The following CRYGN variants were observed in gnomAD, a reference collection of about 807,000 sequenced individuals.
The protein encoded by CRYGN is crystallin gamma N.
Under a neutral mutation model 19.2 loss-of-function variants are expected in CRYGN, and 17 were observed. The ratio of observed to expected loss-of-function variants is 0.89; its 90% CI spans 0.61 to 1.33. The LOEUF is 1.33. CRYGN is among the 40% of genes most tolerant of loss of function. The pLI is 0.00. For synonymous variants in CRYGN, 84 were observed against 85.8 expected (o/e 0.98, Z 0.12); for missense variants, 239 against 239.6 (o/e 1.00, Z 0.02).
intron 3 of CRYGN, chr7:151,432,419 G>T: frequency 2.3e-6 from 1 of 439,330 alleles, no homozygotes; most frequent in Non-Finnish European, 3.8e-6. Context: ...CTACACGAAG[G>T]CACCCACGGT....
intron 2 of CRYGN, 188 bp downstream of exon 2, chr7:151,437,808 T>C (rs1397113303): frequency 6.8e-7 from 1 of 1,470,352 alleles, no homozygotes; most frequent in East Asian, 2.5e-5. Context: ...TCCCACTCAG[T>C]TCATAGCAAC....
chr7:151,429,784 A>G lies in CRYGN; in HGVS notation c.*264T>C. Reference sequence around the variant, plus strand: ...CATCACCATCATCAGCTGTGGGCTGAGGTGCGAGATTGTGGAGGCCTGAGG... The same window carrying G: ...CATCACCATCATCAGCTGTGGGCTGGGGTGCGAGATTGTGGAGGCCTGAGG... On this transcript the variant is annotated 3_prime_UTR_variant, in exon 4 of 4. Coordinates refer to ENST00000337323, the MANE Select transcript of CRYGN (RefSeq NM_144727.3). The G allele has an allele frequency of 1.9e-6, 1 of 533,980 alleles. No homozygotes were observed. The highest frequency in any genetic ancestry group is 3.4e-6 in the Non-Finnish European group (1 of 296,690). 33.1% of individuals were successfully genotyped at this position (533,980 alleles called of 1,614,324 possible). A position where few individuals can be genotyped will look rare whatever the true frequency, so the allele number is the denominator to read the frequency against.
At chr7:151,432,593 C>T (rs1801497941) in intron 3 of CRYGN, among the ~76,000 whole-genome samples, 1 of 152,210 alleles carries the variant, frequency 6.6e-6, no homozygotes, top group Non-Finnish European at 1.5e-5. Context: ...CTCTTGTAGT[C>T]AGGAGTTTGA....
rs1232082705 is a variant in CRYGN, at chr7:151,433,357, G to C, written c.416+2823C>G. The C allele has an allele frequency of 6.5e-6, 1 of 153,132 alleles. No homozygotes were observed. The highest frequency in any genetic ancestry group is 6.5e-5 in the Admixed American group (1 of 15,294). 9.5% of individuals were successfully genotyped at this position (153,132 alleles called of 1,614,324 possible). A position where few individuals can be genotyped will look rare whatever the true frequency, so the allele number is the denominator to read the frequency against. ...AGGATAGTGGCCTTTGCCTGGAAAG[G>C]GGCATGTGGTCCAAGGAAGACACCT... On this transcript the variant is annotated intron_variant, in intron 3 of 3. Transcript: ENST00000337323. The surrounding 1 kb of genome is among the most constrained non-coding windows in gnomAD (Gnocchi z 5.1).
At position 151,430,012 on chromosome 7, in the gene CRYGN, G is replaced by C. The variant is rs375723445; in HGVS notation, c.*36C>G. 3.7e-6 allele frequency: 3 copies of C among 818,198 alleles called. No homozygotes were observed. The highest frequency in any genetic ancestry group is 6.6e-6 in the Non-Finnish European group (3 of 452,698). 50.7% of individuals were successfully genotyped at this position (818,198 alleles called of 1,614,324 possible). A position where few individuals can be genotyped will look rare whatever the true frequency, so the allele number is the denominator to read the frequency against. ...GTAAACACTCTCCCGGCTCAGAAAC[G>C]GTGCAGGTGCATTTACATGTCAATC... On this transcript the variant is annotated 3_prime_UTR_variant, in exon 4 of 4. Coordinates refer to ENST00000337323, the MANE Select transcript of CRYGN (RefSeq NM_144727.3). The surrounding 1 kb of genome is among the most constrained non-coding windows in gnomAD (Gnocchi z 5.2).
At chr7:151,432,313 G>A (rs2150905949) in intron 3 of CRYGN, 2 of 1,195,924 alleles carry the variant, frequency 1.7e-6, no homozygotes, top group East Asian at 6.3e-5. Flanking sequence ...GGGGATCAGG[G>A]GCTGCCAGGA....
rs184114935 is a variant in CRYGN, at chr7:151,437,896, G to A, written c.270+100C>T. On this transcript the variant is annotated intron_variant, in intron 2 of 3. Coordinates refer to ENST00000337323, the MANE Select transcript of CRYGN (RefSeq NM_144727.3). ...CTTCAGTCTTACAGACTTTAAAGCC[G>A]GGAGGACCACGCTCCCCGATTCCTT... 8 of 1,587,640 alleles carry A rather than the reference G, an allele frequency of 5.0e-6. No homozygotes were observed. The Admixed American group carries it at 5.2e-5, about 10-fold the overall frequency.
rs1045619737 is a variant in CRYGN at position 151,433,549 on chromosome 7, C to T, written c.416+2631G>A. On this transcript the variant is annotated intron_variant, in intron 3 of 3. Transcript: ENST00000337323. The surrounding 1 kb of genome is among the most constrained non-coding windows in gnomAD (Gnocchi z 5.1). ...GGTGTGAGCCAGCCTGGAGCACCTG[C>T]TGGGGGACTCAGGGCAGGCCTGGTC... is the stretch of plus-strand genomic sequence containing the variant. The T allele has an allele frequency of 1.5e-4, 24 of 155,120 alleles. No individual in the cohort carries two copies. The highest frequency in any genetic ancestry group is 1.0e-3 in the Middle Eastern group (2 of 1,956). The allele number at this position is 155,120 out of a possible 1,614,324, so 9.6% of individuals were successfully genotyped here.
chr7:151,432,801 G>A (rs1395735725), intron 3 of CRYGN, among the ~76,000 whole-genome samples: 1 of 152,130 alleles, frequency 6.6e-6, no homozygotes, highest in Non-Finnish European at 1.5e-5. Context: ...ATGCACTCCC[G>A]CCATCACTGC....
chr7:151,437,929 T>C, intron 2 of CRYGN, 67 bp downstream of exon 2: 1 of 1,602,306 alleles, frequency 6.2e-7, no homozygotes, highest in Non-Finnish European at 8.5e-7. Context: ...CTTGCCACTG[T>C]CTGCCAGGGC....
In CRYGN at chr7:151,436,785, T is replaced by C. The variant is rs1158842075; in HGVS notation, c.271-460A>G. 6.6e-6 allele frequency: 1 copy of C among 152,496 alleles called. No individual in the cohort carries two copies. Among genetic ancestry groups the C allele is most frequent in the African/African-American group, 2.4e-5 (1 of 41,480 alleles). The allele number at this position is 152,496 out of a possible 1,614,324, so 9.4% of individuals were successfully genotyped here. A position where few individuals can be genotyped will look rare whatever the true frequency, so the allele number is the denominator to read the frequency against. On this transcript the variant is annotated intron_variant, in intron 2 of 3. Transcript: ENST00000337323. This position sits in a 1 kb window ranked among gnomAD's most constrained non-coding sequence, Gnocchi z 5.1. ...ACATTTTAAAACTGTAATAGAACCT[T>C]TTAGTAAAACATAAAGCCAAAAATC...
rs1214527501 is a variant in CRYGN, at chr7:151,431,950, G to T, written c.417-1770C>A. On this transcript the variant is annotated intron_variant, in intron 3 of 3. Transcript: ENST00000337323. The surrounding 1 kb of genome is among the most constrained non-coding windows in gnomAD (Gnocchi z 4.8). ...CCACTCTCCCCTCCCTGGCCCAGGG[G>T]GTCCCTGGGAGTCCGGGAAAGCGCC... is the stretch of plus-strand genomic sequence containing the variant. The T allele has an allele frequency of 1.1e-5, 4 of 362,774 alleles. No homozygotes were observed. Among genetic ancestry groups the T allele is most frequent in the African/African-American group, 4.2e-5 (2 of 47,830 alleles). The allele number at this position is 362,774 out of a possible 1,614,324, so 22.5% of individuals were successfully genotyped here. A position where few individuals can be genotyped will look rare whatever the true frequency, so the allele number is the denominator to read the frequency against.
Position 151,430,550 on chromosome 7 carries a change from C to T in CRYGN, c.417-370G>A, listed in dbSNP as rs1801440424. On this transcript the variant is annotated intron_variant, in intron 3 of 3. Coordinates refer to ENST00000337323, the MANE Select transcript of CRYGN (RefSeq NM_144727.3). This position sits in a 1 kb window ranked among gnomAD's most constrained non-coding sequence, Gnocchi z 5.2. Reference sequence around the variant, plus strand: ...GGCCCACCACACTCAGGCCACCACACTGTGCGACAGAATCAGCCCCTGAGA... The same window carrying T: ...GGCCCACCACACTCAGGCCACCACATTGTGCGACAGAATCAGCCCCTGAGA... 6.6e-6 allele frequency among the ~76,000 whole-genome samples: 1 copy of T among 152,206 alleles called. No homozygotes were observed. Among genetic ancestry groups the T allele is most frequent in the African/African-American group, 2.4e-5 (1 of 41,448 alleles).
In CRYGN at chr7:151,436,314, A is replaced by T. The variant is rs767485989; in HGVS notation, c.282T>A (p.His94Gln). Residue 94 changes from histidine (H) to glutamine (Q), a missense_variant, in exon 3 of 4, where the codon CAT becomes CAA. By Grantham distance (24) the His-to-Gln change is conservative. Coordinates refer to ENST00000337323, the MANE Select transcript of CRYGN (RefSeq NM_144727.3). The surrounding 1 kb of genome is among the most constrained non-coding windows in gnomAD (Gnocchi z 5.1). ...AACCCTCGAAGATTTCTAGGCGGAA[A>T]TGTTCTCCGTGCTCCAAGACCAAGC... ...SCRPVGMHGE[H>Q]FRLEIFEGCN... The T allele has an allele frequency of 6.3e-7, 1 of 1,577,562 alleles. No homozygotes were observed. Among genetic ancestry groups the T allele is most frequent in the Non-Finnish European group, 8.6e-7 (1 of 1,161,688 alleles).
intron 3 of CRYGN, chr7:151,432,306 G>A (rs1419279044): frequency 1.7e-6 from 2 of 1,206,840 alleles, no homozygotes; most frequent in Non-Finnish European, 2.1e-6. Context: ...GGGGAGTGGG[G>A]ATCAGGGGCT....
In CRYGN at chr7:151,438,008, C is replaced by G. The variant is rs751240121; in HGVS notation, c.258G>C (p.Arg86=). 5.0e-6 allele frequency: 8 copies of G among 1,613,222 alleles called. No individual in the cohort carries two copies. Among genetic ancestry groups the G allele is most frequent in the Non-Finnish European group, 6.8e-6 (8 of 1,180,044 alleles). The part of the protein sequence containing the change: ...NSHSDHMGSC[R]PVGMHGEHFR... The stretch of plus-strand genomic sequence containing the variant: ...CGGGCCCACTCACCATTCCTACAGG[C>G]CGACAGGAGCCCATGTGGTCACTGT... Residue 86 remains arginine, a synonymous_variant, in exon 2 of 4, where the codon CGG becomes CGC. Transcript: ENST00000337323.
intron 3 of CRYGN, among the ~76,000 whole-genome samples, chr7:151,434,900 A>T (rs1421436227): frequency 6.6e-6 from 1 of 152,270 alleles, no homozygotes; most frequent in Non-Finnish European, 1.5e-5. Context: ...GTGAGGACTT[A>T]CTGGACTCGA....
rs933532629 is a variant in CRYGN at position 151,435,792 on chromosome 7, C to A, written c.416+388G>T. 6.6e-6 allele frequency among the ~76,000 whole-genome samples: 1 copy of A among 152,234 alleles called. No individual in the cohort carries two copies. Among genetic ancestry groups the A allele is most frequent in the Non-Finnish European group, 1.5e-5 (1 of 67,994 alleles). On this transcript the variant is annotated intron_variant, in intron 3 of 3. Transcript: ENST00000337323. The surrounding 1 kb of genome is among the most constrained non-coding windows in gnomAD (Gnocchi z 4.2). ...CCAGCCCATAAGGCCCTGGAGGACC[C>A]CTTGGTAAGCAGGTGTCCCCCGGTT... is the stretch of plus-strand genomic sequence containing the variant.
intron 3 of CRYGN, chr7:151,432,103 C>T: frequency 1.0e-6 from 1 of 1,000,482 alleles, no homozygotes; most frequent in South Asian, 5.0e-5. Flanking sequence ...CAAGGGGTTG[C>T]CCCTGTCCCC....
Sources: gnomAD v4.1 joint callset for allele counts (sites outside exome capture counted in the v4.1 genomes callset) on GRCh38, gnomAD v4.1.1 for gene constraint, Gnocchi (gnomAD v3.1) non-coding constraint, MANE v1.5 for transcripts, NCBI Gene and HGNC (gene_info 2026-07-23, HGNC 2026-07-21) for gene names.